LCMT1: variants seen among roughly 807,000 people sequenced by gnomAD.
LCMT1 encodes leucine carboxyl methyltransferase 1, also known as [Phosphatase 2A protein]-leucine-carboxy methyltransferase 1.
LCMT1 carries 32 observed loss-of-function variants against 47.7 expected under a neutral mutation model. The ratio of observed to expected loss-of-function variants is 0.67; its 90% CI spans 0.51 to 0.90. The LOEUF (loss-of-function observed/expected upper bound fraction) is 0.90, where lower values mean the gene tolerates loss of function less well. Ranked by LOEUF, LCMT1 falls within the 40% of genes least tolerant of loss-of-function variation. The pLI is 0.00. For missense variants in LCMT1, 375 were observed against 415.2 expected (o/e 0.90, Z 0.84); for synonymous variants, 152 against 149.7 (o/e 1.02, Z -0.11).
At chr16:25,142,770 G>A (rs1225542449) in intron 4 of LCMT1, 16 of 152,198 alleles carry the variant, frequency 1.1e-4, no homozygotes, top group Non-Finnish European at 2.9e-5. Flanking sequence ...ACAAGGAAAA[G>A]TATTGGACTC....
chr16:25,139,946 C>A, intron 3 of LCMT1: 1 of 523,962 alleles, frequency 1.9e-6, no homozygotes, highest in Non-Finnish European at 3.4e-6. Context: ...ACCTTACCTT[C>A]TTACCTGGCT....
intron 2 of LCMT1, among the ~76,000 whole-genome samples, chr16:25,129,963 G>A (rs544658205): frequency 1.4e-4 from 21 of 152,264 alleles, no homozygotes; most frequent in African/African-American, 4.8e-4. Context: ...GGAAAGTGTT[G>A]TGAGACCTGG....
chr16:25,165,806 C>T (rs146206412), intron 7 of LCMT1, among the ~76,000 whole-genome samples: 2 of 152,198 alleles, frequency 1.3e-5, no homozygotes, highest in African/African-American at 4.8e-5. Context: ...CATGAGCCAC[C>T]ATGCCCGGCT....
intron 5 of LCMT1, among the ~76,000 whole-genome samples, chr16:25,152,309 A>G (rs191715410): frequency 6.6e-6 from 1 of 152,288 alleles, no homozygotes; most frequent in Admixed American, 6.5e-5. Context: ...GCAGTTAGTG[A>G]GCAAGGGTTT....
Position 25,178,179 on chromosome 16 carries a change from TC to T in LCMT1, c.*158del, listed in dbSNP as rs1224442866. ...CTACAGTGGTCGCACATGTTCCTCT[TC>T]CTGTTCCTGTTGACATGTCGTTGTT... On this transcript the variant is annotated 3_prime_UTR_variant, in exon 11 of 11. Coordinates refer to ENST00000399069, the MANE Select transcript of LCMT1 (RefSeq NM_016309.3). The T allele has an allele frequency of 1.6e-6, 1 of 636,418 alleles. No homozygotes were observed. Among genetic ancestry groups the T allele is most frequent in the African/African-American group, 1.9e-5 (1 of 53,368 alleles). The allele number at this position is 636,418 out of a possible 1,614,324, so 39.4% of individuals were successfully genotyped here.
intron 1 of LCMT1, among the ~76,000 whole-genome samples, chr16:25,120,740 TTTTTTTTTTTTG>T (rs1446893615): frequency 5.2e-5 from 7 of 133,974 alleles, no homozygotes; most frequent in South Asian, 2.4e-4. Context: ...TGTTTTTTTG[TTTTTTTTTTTTG>T]TTTTTTTTTT....
At chr16:25,170,078 G>T (rs530408264) in intron 8 of LCMT1, among the ~76,000 whole-genome samples, 1 of 152,062 alleles carries the variant, frequency 6.6e-6, no homozygotes, top group South Asian at 2.1e-4. Context: ...AAATTAGCCG[G>T]GTGTGGTGGT....
intron 10 of LCMT1, among the ~76,000 whole-genome samples, chr16:25,177,708 C>T (rs983869955): frequency 2.6e-5 from 4 of 152,156 alleles, no homozygotes; most frequent in African/African-American, 7.2e-5. Context: ...GTGGAAGATC[C>T]GTATCTGCCT....
intron 2 of LCMT1, among the ~76,000 whole-genome samples, chr16:25,129,783 A>G (rs1274980461): frequency 1.3e-5 from 2 of 152,208 alleles, no homozygotes; most frequent in Non-Finnish European, 2.9e-5. Flanking sequence ...AGGCTTTTGT[A>G]TATTTCAGGC....
At chr16:25,173,379 A>G (rs577976526) in intron 9 of LCMT1, among the ~76,000 whole-genome samples, 2 of 152,294 alleles carry the variant, frequency 1.3e-5, no homozygotes, top group Admixed American at 6.5e-5. Context: ...TCTGCTTTGG[A>G]TGTCTCCTGG....
chr16:25,121,805 T>A (rs1451000771), intron 1 of LCMT1, among the ~76,000 whole-genome samples: 1 of 152,136 alleles, frequency 6.6e-6, no homozygotes, highest in African/African-American at 2.4e-5. Flanking sequence ...TTTTGACATG[T>A]AGGGATTATG....
intron 1 of LCMT1, among the ~76,000 whole-genome samples, chr16:25,120,411 ATTTCTTTTTTTTTCTT>A (rs1428432811): frequency 2.1e-5 from 3 of 145,674 alleles, no homozygotes; most frequent in Admixed American, 2.0e-4. Context: ...ATGGTTTTTG[ATTTCTTTTTTTTTCTT>A]TTTCTTTTTT....
At chr16:25,147,505 A>G (rs775510781) in intron 4 of LCMT1, 1 of 152,182 alleles carries the variant, frequency 6.6e-6, no homozygotes, top group Non-Finnish European at 1.5e-5. Context: ...GGGTCCTAGC[A>G]TAACTTCATA....
rs896292658 is a variant in LCMT1 at position 25,169,135 on chromosome 16, G to T, written c.714G>T (p.Gly238=). ...AGGTGAACATGGGTGATCGGTTTGG[G>T]CAGATCATGATTGAAAACCTGCGGA... ...YEQVNMGDRF[G]QIMIENLRRR... is the part of the protein sequence containing the mutation. Residue 238 remains glycine (G), a synonymous_variant, in exon 8 of 11, where the codon GGG becomes GGT. Coordinates refer to ENST00000399069, the MANE Select transcript of LCMT1 (RefSeq NM_016309.3). 1 of 1,613,146 alleles carries T rather than the reference G, an allele frequency of 6.2e-7. No homozygotes were observed. Among genetic ancestry groups the T allele is most frequent in the African/African-American group, 1.3e-5 (1 of 74,898 alleles).
chr16:25,160,280 T>C (rs1961385977), intron 5 of LCMT1, among the ~76,000 whole-genome samples: 1 of 142,000 alleles, frequency 7.0e-6, no homozygotes, highest in Admixed American at 7.3e-5. Flanking sequence ...GTGAAAGATG[T>C]AGTGAATGAG....
chr16:25,117,195 C>T (rs901189983), intron 1 of LCMT1, among the ~76,000 whole-genome samples: 1 of 152,194 alleles, frequency 6.6e-6, no homozygotes, highest in Non-Finnish European at 1.5e-5. Context: ...ACATCTTCCT[C>T]TCTTTTCCAC....
At chr16:25,177,763 T>C (rs1961991385) in intron 10 of LCMT1, among the ~76,000 whole-genome samples, 1 of 152,220 alleles carries the variant, frequency 6.6e-6, no homozygotes, top group Non-Finnish European at 1.5e-5. Context: ...TGGCGTTAAC[T>C]GCAGACAGTC....
At chr16:25,135,802 A>G (rs1960486508) in intron 3 of LCMT1, among the ~76,000 whole-genome samples, 1 of 152,142 alleles carries the variant, frequency 6.6e-6, no homozygotes, top group Non-Finnish European at 1.5e-5. Context: ...CAAAAAAGGA[A>G]TAAAGGGGCC....
chr16:25,159,742 A>AGAG (rs1961364534), intron 5 of LCMT1, among the ~76,000 whole-genome samples: 1 of 152,082 alleles, frequency 6.6e-6, no homozygotes, highest in South Asian at 2.1e-4. Context: ...TATCAAGATG[A>AGAG]TAAATGAGAA....
Sources: allele counts gnomAD v4.1 joint callset (sites outside exome capture counted in the v4.1 genomes callset), GRCh38; gene constraint gnomAD v4.1.1; transcripts MANE v1.5; gene names NCBI Gene and HGNC (gene_info 2026-07-23, HGNC 2026-07-21).